The following NRG4 variants were observed in gnomAD, a reference collection of about 807,000 sequenced individuals.
NRG4 encodes the protein neuregulin 4, also known as pro-neuregulin-4, membrane-bound isoform.
NRG4 carries 10 observed loss-of-function variants against 15.0 expected under a neutral mutation model. The ratio of observed to expected loss-of-function variants is 0.67; its 90% CI spans 0.41 to 1.13. The LOEUF (loss-of-function observed/expected upper bound fraction) is 1.13, where lower values mean the gene tolerates loss of function less well. Ranked by LOEUF, NRG4 falls within the 50% of genes most tolerant of loss-of-function variation. The probability of loss-of-function intolerance (pLI) is 0.00; values close to 1 mark genes in which losing one functional copy is unlikely to be tolerated. For missense variants in NRG4, 139 were observed against 140.2 expected (o/e 0.99, Z 0.04); for synonymous variants, 41 against 50.1 (o/e 0.82, Z 0.77).
rs2030928108 is a variant in NRG4, at chr15:75,941,276, A to G, written c.*2362T>C. ...GGATAGCTCTTATTAAAATTAAAAAAACACACAAGTGTTGGCAAGGATGTG... is the reference window on the plus strand; with the variant it reads ...GGATAGCTCTTATTAAAATTAAAAAGACACACAAGTGTTGGCAAGGATGTG... On this transcript the variant is annotated 3_prime_UTR_variant, in exon 6 of 6. Coordinates refer to ENST00000394907, the MANE Select transcript of NRG4 (RefSeq NM_138573.4). 6.6e-6 allele frequency: 1 copy of G among 152,210 alleles called. No individual in the cohort carries two copies. The highest frequency in any genetic ancestry group is 1.5e-5 in the Non-Finnish European group (1 of 68,006). The allele number at this position is 152,210 out of a possible 1,614,324, so 9.4% of individuals were successfully genotyped here.
At chr15:75,944,069 TACCAAGGA>T (rs61680713) in intron 5 of NRG4, among the ~76,000 whole-genome samples, 5,997 of 152,050 alleles carry the variant, frequency 0.039, 212 homozygotes, top group African/African-American at 0.094. Flanking sequence ...GGCAAGAAAA[TACCAAGGA>T]AACAAGGACT....
chr15:76,045,308 T>C lies in NRG4; in HGVS notation c.-105+6759A>G, dbSNP rs546065003. Among the ~76,000 whole-genome samples, 37 of 151,090 alleles carry C rather than the reference T, an allele frequency of 2.4e-4. 3 individuals are homozygous for C. Among genetic ancestry groups the C allele is most frequent in the African/African-American group, 9.1e-4 (37 of 40,622 alleles). Reference sequence around the variant, plus strand: ...ACATTAATAAATGCTGGAGGAGATATGGAGAAAGGGAAACACTCACATACT... The same window carrying C: ...ACATTAATAAATGCTGGAGGAGATACGGAGAAAGGGAAACACTCACATACT... On this transcript the variant is annotated intron_variant, in intron 4 of 8. Coordinates refer to the NRG4 transcript ENST00000563910.
chr15:76,059,767 A>G (rs989561263), exon 1 of NRG4: 5 of 149,122 alleles, frequency 3.4e-5, no homozygotes, highest in East Asian at 2.0e-4. Flanking sequence ...GCGGTTTCCT[A>G]GACAGCCGCG....
upstream of NRG4, among the ~76,000 whole-genome samples, chr15:76,012,625 C>A (rs1346978080): frequency 6.6e-6 from 1 of 152,140 alleles, no homozygotes; most frequent in African/African-American, 2.4e-5. Context: ...AAAAACCAAA[C>A]CACATTCCTT....
intron 5 of NRG4, among the ~76,000 whole-genome samples, chr15:76,024,227 C>T (rs1276081973): frequency 6.6e-6 from 1 of 152,228 alleles, no homozygotes; most frequent in East Asian, 1.9e-4. Flanking sequence ...AGCTGTATGT[C>T]CACTTCCTAG....
upstream of NRG4, among the ~76,000 whole-genome samples, chr15:76,015,841 C>T (rs1296307812): frequency 6.6e-6 from 1 of 152,164 alleles, no homozygotes; most frequent in Admixed American, 6.5e-5. Context: ...GCTTTGGTAT[C>T]AGGATGATGC....
chr15:75,981,368 AC>A (rs958054666), intron 3 of NRG4, among the ~76,000 whole-genome samples: 2 of 152,068 alleles, frequency 1.3e-5, no homozygotes, highest in African/African-American at 4.8e-5. Flanking sequence ...GTAGAGGAGA[AC>A]AACCACCCAG....
chr15:75,993,845 A>T (rs1003809663), intron 3 of NRG4, among the ~76,000 whole-genome samples: 4 of 152,100 alleles, frequency 2.6e-5, no homozygotes. Context: ...ATTTCTATTT[A>T]ATTATTTTTC....
chr15:75,999,639 T>C (rs1292197588), intron 3 of NRG4, among the ~76,000 whole-genome samples: 1 of 152,220 alleles, frequency 6.6e-6, no homozygotes, highest in Admixed American at 6.5e-5. Flanking sequence ...CTACTGTCTA[T>C]AAATTATCCA....
intron 3 of NRG4, among the ~76,000 whole-genome samples, chr15:76,007,297 C>A (rs974911283): frequency 6.6e-6 from 1 of 151,902 alleles, no homozygotes; most frequent in Non-Finnish European, 1.5e-5. Context: ...TAGACCTGCA[C>A]ATAAATGATC....
intron 3 of NRG4, among the ~76,000 whole-genome samples, chr15:76,002,993 G>T (rs1445869463): frequency 6.6e-6 from 1 of 152,090 alleles, no homozygotes; most frequent in African/African-American, 2.4e-5. Flanking sequence ...GAAATTTACA[G>T]AATGCTATAC....
At position 75,994,309 on chromosome 15, in the gene NRG4, A is replaced by AAGAACTC. The variant is rs1350548313; in HGVS notation, c.104+14884_104+14890dup. Among the ~76,000 whole-genome samples the AAGAACTC allele has an allele frequency of 1.3e-5, 2 of 151,898 alleles. 1 individual carries two copies. The highest frequency in any genetic ancestry group is 6.3e-3 in the Middle Eastern group (2 of 316). ...GATATTTGGGCATATAAAGCACATA[A>AAGAACTC]AGAACTCAGGCTCCCCCTCTGTGGC... On this transcript the variant is annotated intron_variant, in intron 3 of 5. Transcript: ENST00000394907.
intron 4 of NRG4, among the ~76,000 whole-genome samples, chr15:76,039,020 T>C (rs75180033): frequency 0.016 from 2,497 of 152,328 alleles, 68 homozygotes; most frequent in African/African-American, 0.056. Flanking sequence ...ACGGTACTTC[T>C]ACAAGTCTGC....
chr15:76,017,155 CTTTTTTTTT>C (rs66838505), upstream of NRG4, among the ~76,000 whole-genome samples: 4,969 of 52,620 alleles, frequency 0.094, 207 homozygotes, highest in African/African-American at 0.17. Context: ...CAACCCCTGC[CTTTTTTTTT>C]TTTTTTTTTT....
intron 3 of NRG4, among the ~76,000 whole-genome samples, chr15:75,985,075 C>G (rs140709716): frequency 3.2e-4 from 48 of 152,208 alleles, no homozygotes; most frequent in African/African-American, 1.1e-3. Flanking sequence ...GAACTCCTGA[C>G]CTCAAGTGGT....
chr15:75,954,505 A>G (rs2032110415), intron 5 of NRG4, among the ~76,000 whole-genome samples: 3 of 150,302 alleles, frequency 2.0e-5, no homozygotes, highest in Non-Finnish European at 4.4e-5. Context: ...TCTTGGCTCA[A>G]TGCAACCTCC....
At chr15:75,989,791 T>A (rs1022121047) in intron 3 of NRG4, among the ~76,000 whole-genome samples, 4 of 152,236 alleles carry the variant, frequency 2.6e-5, no homozygotes. Context: ...CACATTTGCC[T>A]GCTTCTTTGT....
chr15:76,048,471 C>CA (rs35429006), intron 4 of NRG4, among the ~76,000 whole-genome samples: 24,585 of 73,688 alleles, frequency 0.33, 3,582 homozygotes, highest in Non-Finnish European at 0.43. Flanking sequence ...GACTCTGACT[C>CA]AAAAAAAAAA....
At chr15:75,989,422 C>T (rs756163063) in intron 3 of NRG4, among the ~76,000 whole-genome samples, 1 of 152,000 alleles carries the variant, frequency 6.6e-6, no homozygotes, top group African/African-American at 2.4e-5. Flanking sequence ...TTGGCCATTA[C>T]TTCTTCAAAT....
Sources: gnomAD v4.1 joint callset for allele counts (sites outside exome capture counted in the v4.1 genomes callset) on GRCh38, gnomAD v4.1.1 for gene constraint, MANE v1.5 for transcripts, NCBI Gene and HGNC (gene_info 2026-07-23, HGNC 2026-07-21) for gene names.